Variants in HS6ST3 observed in about 807,000 individuals in gnomAD.
HS6ST3 encodes the protein heparan sulfate 6-O-sulfotransferase 3, also known as heparan-sulfate 6-O-sulfotransferase 3.
HS6ST3 carries 12 observed loss-of-function variants against 36.7 expected under a neutral mutation model. The observed-to-expected ratio is 0.33, with a 90% CI of 0.21 to 0.53. The LOEUF is 0.53. HS6ST3 is among the 20% of genes least tolerant of loss of function. The pLI, the probability that HS6ST3 is intolerant of heterozygous loss-of-function variation, is 0.95. For missense variants in HS6ST3, 584 were observed against 640.9 expected (o/e 0.91, Z 0.96); for synonymous variants, 240 against 257.5 (o/e 0.93, Z 0.65).
At chr13:96,669,987 A>AT (rs1435676999) in intron 1 of HS6ST3, among the ~76,000 whole-genome samples, 1 of 152,140 alleles carries the variant, frequency 6.6e-6, no homozygotes, top group African/African-American at 2.4e-5. Context: ...TTTTTAGATT[A>AT]TTTTTAAAGC....
At chr13:96,621,313 C>T (rs543922316) in intron 1 of HS6ST3, among the ~76,000 whole-genome samples, 6 of 152,278 alleles carry the variant, frequency 3.9e-5, no homozygotes, top group Admixed American at 2.0e-4. Flanking sequence ...GGGGCAGTTT[C>T]TCCCATGCTG....
intron 1 of HS6ST3, among the ~76,000 whole-genome samples, chr13:96,340,860 G>C (rs2055126887): frequency 6.6e-6 from 1 of 152,092 alleles, no homozygotes; most frequent in African/African-American, 2.4e-5. Flanking sequence ...ATCTTCAACT[G>C]CCTTAGCTTC....
In HS6ST3 at chr13:96,324,614, T is replaced by C. The variant is rs937238186; in HGVS notation, c.707+233045T>C. ...GTGACCTTATTTGGAAATAGGGTCT[T>C]TGTAGATGATCAGATTAAGATGAGG... is the stretch of plus-strand genomic sequence containing the variant. On this transcript the variant is annotated intron_variant, in intron 1 of 1. Coordinates refer to ENST00000376705, the MANE Select transcript of HS6ST3 (RefSeq NM_153456.4). Among the ~76,000 whole-genome samples, 4 of 152,194 alleles carry C rather than the reference T, an allele frequency of 2.6e-5. 1 individual carries two copies. Among genetic ancestry groups the C allele is most frequent in the Non-Finnish European group, 5.9e-5 (4 of 68,030 alleles).
intron 1 of HS6ST3, among the ~76,000 whole-genome samples, chr13:96,773,088 G>A (rs1877304216): frequency 6.6e-6 from 1 of 152,190 alleles, no homozygotes; most frequent in Non-Finnish European, 1.5e-5. Flanking sequence ...CCCTAGCCAA[G>A]GGAAGCCCTG....
At chr13:96,595,922 G>T (rs570812619) in intron 1 of HS6ST3, among the ~76,000 whole-genome samples, 3 of 146,946 alleles carry the variant, frequency 2.0e-5, no homozygotes, top group African/African-American at 7.5e-5. Context: ...ATCATTTATT[G>T]TTTCCCTGTT....
At chr13:96,187,838 A>G (rs922152018) in intron 1 of HS6ST3, among the ~76,000 whole-genome samples, 2 of 152,148 alleles carry the variant, frequency 1.3e-5, no homozygotes, top group Admixed American at 6.5e-5. Flanking sequence ...AGAACTTGCT[A>G]CCCAAGTGGT....
intron 1 of HS6ST3, among the ~76,000 whole-genome samples, chr13:96,804,706 T>C (rs1878156474): frequency 1.3e-5 from 2 of 152,148 alleles, no homozygotes; most frequent in African/African-American, 4.8e-5. Flanking sequence ...AAAGCTTTCA[T>C]TTCAACAATA....
At chr13:96,185,098 G>A (rs930164393) in intron 1 of HS6ST3, among the ~76,000 whole-genome samples, 7 of 152,248 alleles carry the variant, frequency 4.6e-5, no homozygotes, top group Middle Eastern at 3.4e-3. Context: ...TGTTCCAAAG[G>A]TATTTAAAAT....
At chr13:96,262,444 T>G (rs1173353046) in intron 1 of HS6ST3, among the ~76,000 whole-genome samples, 1 of 152,166 alleles carries the variant, frequency 6.6e-6, no homozygotes, top group African/African-American at 2.4e-5. Flanking sequence ...ATGTGTCTTT[T>G]TGGGGAAAAA....
At position 96,499,767 on chromosome 13, in the gene HS6ST3, G is replaced by A. The variant is rs896718177; in HGVS notation, c.708-332723G>A. On this transcript the variant is annotated intron_variant, in intron 1 of 1. Coordinates refer to ENST00000376705, the MANE Select transcript of HS6ST3 (RefSeq NM_153456.4). ...TGTGGCTGAAGCTGAGTGGGTAAAG[G>A]AGAAGCAGAGGGAGATGAGGCCCAA... Among the ~76,000 whole-genome samples, 3 of 152,250 alleles carry A rather than the reference G, an allele frequency of 2.0e-5. No individual in the cohort carries two copies. The South Asian group carries it at 6.2e-4, about 32-fold the overall frequency.
intron 1 of HS6ST3, among the ~76,000 whole-genome samples, chr13:96,761,608 C>T (rs911348482): frequency 1.3e-5 from 2 of 152,076 alleles, no homozygotes; most frequent in Non-Finnish European, 2.9e-5. Context: ...TTCCTCCTCT[C>T]CAGAGGCCGT....
chr13:96,620,734 T>C (rs954122747), intron 1 of HS6ST3, among the ~76,000 whole-genome samples: 3 of 151,986 alleles, frequency 2.0e-5, no homozygotes, highest in Non-Finnish European at 4.4e-5. Flanking sequence ...TTGTGTTTTA[T>C]CTTGATTAAA....
Position 96,134,960 on chromosome 13 carries a change from C to T in HS6ST3, c.707+43391C>T, listed in dbSNP as rs546032409. Reference sequence around the variant, plus strand: ...TTGTATATTAGACTCTGCACAGTCTCACATCCATTCTGTCTGACACAGTCA... The same window carrying T: ...TTGTATATTAGACTCTGCACAGTCTTACATCCATTCTGTCTGACACAGTCA... On this transcript the variant is annotated intron_variant, in intron 1 of 1. Coordinates refer to ENST00000376705, the MANE Select transcript of HS6ST3 (RefSeq NM_153456.4). Among the ~76,000 whole-genome samples, 6 of 152,312 alleles carry T rather than the reference C, an allele frequency of 3.9e-5. No individual in the cohort carries two copies. In the South Asian group the frequency reaches 1.2e-3, roughly 32 times the overall value.
intron 1 of HS6ST3, among the ~76,000 whole-genome samples, chr13:96,807,739 G>A (rs1027981142): frequency 6.6e-6 from 1 of 151,958 alleles, no homozygotes; most frequent in Non-Finnish European, 1.5e-5. Context: ...GGTGGTGGAC[G>A]CCTGTAGTCC....
At chr13:96,185,905 G>C (rs1241163480) in intron 1 of HS6ST3, among the ~76,000 whole-genome samples, 1 of 152,178 alleles carries the variant, frequency 6.6e-6, no homozygotes, top group Non-Finnish European at 1.5e-5. Context: ...CGCATGTACA[G>C]AACCTATCTG....
intron 1 of HS6ST3, among the ~76,000 whole-genome samples, chr13:96,190,788 A>T (rs1289473877): frequency 6.6e-6 from 1 of 152,204 alleles, no homozygotes; most frequent in East Asian, 1.9e-4. Flanking sequence ...GCATTTCAGT[A>T]TGGACCTGAA....
At chr13:96,435,271 T>G (rs2055635986) in intron 1 of HS6ST3, among the ~76,000 whole-genome samples, 1 of 152,202 alleles carries the variant, frequency 6.6e-6, no homozygotes, top group Non-Finnish European at 1.5e-5. Context: ...TTTTTCCATG[T>G]TTTCTTTTTT....
chr13:96,445,760 C>T (rs1195663221), intron 1 of HS6ST3, among the ~76,000 whole-genome samples: 2 of 151,744 alleles, frequency 1.3e-5, no homozygotes, highest in African/African-American at 2.4e-5. Flanking sequence ...TCCAGCAACT[C>T]GGGAGGCTGA....
intron 1 of HS6ST3, among the ~76,000 whole-genome samples, chr13:96,668,008 C>T (rs1158485549): frequency 6.6e-6 from 1 of 152,198 alleles, no homozygotes; most frequent in Non-Finnish European, 1.5e-5. Context: ...CTCTAACATT[C>T]ACCAAGTCCT....
Sources: gnomAD v4.1 joint callset for allele counts (sites outside exome capture counted in the v4.1 genomes callset) on GRCh38, gnomAD v4.1.1 for gene constraint, MANE v1.5 for transcripts, NCBI Gene and HGNC (gene_info 2026-07-23, HGNC 2026-07-21) for gene names.